Variants in NOL4L observed in about 807,000 individuals in gnomAD.
NOL4L encodes nucleolar protein 4-like.
In NOL4L, 7 loss-of-function variants were observed where a neutral mutation model predicts 64.5. The observed-to-expected ratio is 0.11, with a 90% CI of 0.06 to 0.20. The LOEUF is 0.20. NOL4L is among the 10% of genes least tolerant of loss of function. The pLI is 1.00. For missense variants in NOL4L, 680 were observed against 967.1 expected (o/e 0.70, Z 3.94); for synonymous variants, 413 against 401.0 (o/e 1.03, Z -0.36).
intron 1 of NOL4L, among the ~76,000 whole-genome samples, chr20:32,563,767 G>C (rs1979243692): frequency 6.6e-6 from 1 of 152,178 alleles, no homozygotes; most frequent in South Asian, 2.1e-4. Context: ...ACAAGCCATA[G>C]CGCTAGGACT....
At chr20:32,574,641 G>A (rs937082051) in intron 1 of NOL4L, among the ~76,000 whole-genome samples, 7 of 152,092 alleles carry the variant, frequency 4.6e-5, no homozygotes, top group Non-Finnish European at 5.9e-5. Context: ...TCCTCAGCCC[G>A]GGGATGCCGA....
intron 2 of NOL4L, among the ~76,000 whole-genome samples, chr20:32,524,369 C>T (rs911726875): frequency 1.3e-5 from 2 of 152,186 alleles, no homozygotes; most frequent in Admixed American, 6.5e-5. Context: ...AACTCCAGCT[C>T]GAATACCTCC....
intron 1 of NOL4L, chr20:32,535,466 T>G (rs1165398122): frequency 3.2e-5 from 13 of 400,626 alleles, no homozygotes. Flanking sequence ...GTGCACAATC[T>G]CCAACTGTTA....
intron 4 of NOL4L, among the ~76,000 whole-genome samples, chr20:32,475,623 C>T (rs1030849204): frequency 6.6e-6 from 1 of 152,262 alleles, no homozygotes; most frequent in Non-Finnish European, 1.5e-5. Flanking sequence ...GAGCAGCAAG[C>T]AACTGTGCCT....
intron 1 of NOL4L, among the ~76,000 whole-genome samples, chr20:32,564,637 G>C (rs1437837924): frequency 1.3e-5 from 2 of 152,248 alleles, no homozygotes; most frequent in Admixed American, 1.3e-4. Flanking sequence ...TGTGCTTCAG[G>C]ACACAATCTT....
At position 32,453,038 on chromosome 20, in the gene NOL4L, G is replaced by T; in HGVS notation, c.1498-32C>A. 6.2e-7 allele frequency: 1 copy of T among 1,609,584 alleles called. No homozygotes were observed. Among genetic ancestry groups the T allele is most frequent in the South Asian group, 1.1e-5 (1 of 91,044 alleles). ...GCAGAACGGGGATGGAGCTAGCATG[G>T]GGCCCGTGGGGGCCCTGGGCTTGTG... On this transcript the variant is annotated intron_variant, in intron 8 of 10. Transcript: ENST00000621426. The surrounding 1 kb of genome is among the most constrained non-coding windows in gnomAD (Gnocchi z 5.6).
intron 4 of NOL4L, chr20:32,475,375 G>A: frequency 1.0e-6 from 1 of 984,016 alleles, no homozygotes; most frequent in Non-Finnish European, 1.2e-6. Context: ...AGGGGGCGGG[G>A]CAGGCCAGGG....
rs541774776 is a variant in NOL4L, at chr20:32,535,807, C to G, written c.322-7894G>C. On this transcript the variant is annotated intron_variant, in intron 1 of 10. Coordinates refer to ENST00000621426, the MANE Select transcript of NOL4L (RefSeq NM_001256798.2). ...GGGGCACAGTGGGCCACAGTGCCCCCCAGTTAGAAGGAGAGGGGCTGGGGA... is the reference window on the plus strand; with the variant it reads ...GGGGCACAGTGGGCCACAGTGCCCCGCAGTTAGAAGGAGAGGGGCTGGGGA... 2.2e-3 allele frequency: 2,195 copies of G among 985,446 alleles called. 4 individuals are homozygous for G. Among genetic ancestry groups the G allele is most frequent in the Non-Finnish European group, 2.5e-3 (2,078 of 829,980 alleles). 61.0% of individuals were successfully genotyped at this position (985,446 alleles called of 1,614,324 possible). A position where few individuals can be genotyped will look rare whatever the true frequency, so the allele number is the denominator to read the frequency against.
intron 3 of NOL4L, among the ~76,000 whole-genome samples, chr20:32,516,059 A>C (rs1464898667): frequency 6.6e-6 from 1 of 152,158 alleles, no homozygotes; most frequent in East Asian, 1.9e-4. Flanking sequence ...AGTGACCCTC[A>C]TTTCCTCGTG....
chr20:32,537,464 C>T (rs1248579324), intron 1 of NOL4L, among the ~76,000 whole-genome samples: 1 of 152,192 alleles, frequency 6.6e-6, no homozygotes, highest in African/African-American at 2.4e-5. Flanking sequence ...GCAACAGCAA[C>T]GAGAGATCTG....
At chr20:32,493,824 G>C (rs749268813) in intron 4 of NOL4L, among the ~76,000 whole-genome samples, 1 of 152,212 alleles carries the variant, frequency 6.6e-6, no homozygotes. Context: ...TGCTGGTGCT[G>C]CTGCGGCCTC....
At chr20:32,559,893 G>A (rs1297288281) in intron 1 of NOL4L, among the ~76,000 whole-genome samples, 3 of 152,194 alleles carry the variant, frequency 2.0e-5, no homozygotes, top group African/African-American at 4.8e-5. Context: ...CCGCCCACGC[G>A]GCCTCCCTGA....
chr20:32,453,672 C>T lies in NOL4L; in HGVS notation c.1209G>A (p.Thr403=), dbSNP rs768091957. The T allele has an allele frequency of 7.6e-6, 12 of 1,574,730 alleles. No individual in the cohort carries two copies. The highest frequency in any genetic ancestry group is 2.4e-5 in the East Asian group (1 of 42,278). The change falls in exon 7 of 11, where the codon ACG becomes ACA. Residue 403 remains threonine (T), a synonymous_variant. Coordinates refer to ENST00000621426, the MANE Select transcript of NOL4L (RefSeq NM_001256798.2). The surrounding 1 kb of genome is among the most constrained non-coding windows in gnomAD (Gnocchi z 5.6). The stretch of plus-strand genomic sequence containing the variant: ...CGTGGTCATCGTCGTCATCATCTGC[C>T]GTCGGGGCCCGGCCCACTGTCAGGT... ...PEDLTVGRAP[T]ADDDDDDHDD... is the part of the protein sequence containing the mutation.
chr20:32,454,025 G>C (rs2013215033), intron 6 of NOL4L: 1 of 477,462 alleles, frequency 2.1e-6, no homozygotes, highest in Non-Finnish European at 3.8e-6. Context: ...CTGGTTCCCG[G>C]GGCTGCTGAG....
chr20:32,533,999 G>T (rs535348075), intron 1 of NOL4L, among the ~76,000 whole-genome samples: 1 of 152,366 alleles, frequency 6.6e-6, no homozygotes, highest in South Asian at 2.1e-4. Flanking sequence ...CTAATGGATT[G>T]CAGTTCTGTC....
chr20:32,552,181 G>T (rs1042115473), intron 1 of NOL4L, among the ~76,000 whole-genome samples: 1 of 152,062 alleles, frequency 6.6e-6, no homozygotes, highest in Non-Finnish European at 1.5e-5. Flanking sequence ...ATGGAACAAT[G>T]TACAACATAT....
intron 1 of NOL4L, among the ~76,000 whole-genome samples, chr20:32,572,923 G>A (rs1285165453): frequency 2.0e-5 from 3 of 152,166 alleles, no homozygotes; most frequent in East Asian, 3.8e-4. Context: ...CACTGGCCAC[G>A]CCACAGGCAT....
At chr20:32,581,554 T>C (rs972088422) in intron 1 of NOL4L, among the ~76,000 whole-genome samples, 1 of 152,118 alleles carries the variant, frequency 6.6e-6, no homozygotes, top group African/African-American at 2.4e-5. Context: ...TGACACACCA[T>C]GGCCACCCTG....
In NOL4L at chr20:32,453,293, G is replaced by T; in HGVS notation, c.1497+11C>A. Reference sequence around the variant, plus strand: ...CCGAGGGAAAGTGTGGGCCAGGCAGGGGGGACTCACCATCTCCATGCCGTT... The same window carrying T: ...CCGAGGGAAAGTGTGGGCCAGGCAGTGGGGACTCACCATCTCCATGCCGTT... On this transcript the variant is annotated intron_variant, in intron 8 of 10. Transcript: ENST00000621426. This position sits in a 1 kb window ranked among gnomAD's most constrained non-coding sequence, Gnocchi z 5.6. The T allele has an allele frequency of 6.2e-7, 1 of 1,611,202 alleles. No individual in the cohort carries two copies. Among genetic ancestry groups the T allele is most frequent in the South Asian group, 1.1e-5 (1 of 90,942 alleles).
Sources: allele counts gnomAD v4.1 joint callset (sites outside exome capture counted in the v4.1 genomes callset), GRCh38; gene constraint gnomAD v4.1.1; non-coding constraint Gnocchi (gnomAD v3.1); transcripts MANE v1.5; gene names NCBI Gene and HGNC (gene_info 2026-07-23, HGNC 2026-07-21).